The following CYB5R4 variants were observed in gnomAD, a reference collection of about 807,000 sequenced individuals.
CYB5R4 encodes N-terminal cytochrome b5 and cytochrome b5 oxidoreductase domain-containing protein.
In CYB5R4, 55 loss-of-function variants were observed where a neutral mutation model predicts 70.2. The ratio of observed to expected loss-of-function variants is 0.78; its 90% CI spans 0.63 to 0.98. The LOEUF (loss-of-function observed/expected upper bound fraction) is 0.98. Ranked by LOEUF, CYB5R4 falls within the 50% of genes least tolerant of loss-of-function variation. The probability of loss-of-function intolerance (pLI) is 0.00; values close to 1 mark genes in which losing one functional copy is unlikely to be tolerated. For synonymous variants in CYB5R4, 197 were observed against 199.5 expected (o/e 0.99, Z 0.11); for missense variants, 562 against 612.6 (o/e 0.92, Z 0.87).
chr6:83,919,579 T>C, intron 7 of CYB5R4, 125 bp downstream of exon 7: 1 of 450,872 alleles, frequency 2.2e-6, no homozygotes, highest in Non-Finnish European at 3.9e-6. Flanking sequence ...TAGATAGTAT[T>C]GTTATCCCTT....
At chr6:83,940,266 T>G in intron 13 of CYB5R4, 60 bp downstream of exon 13, 4 of 1,453,728 alleles carry the variant, frequency 2.8e-6, no homozygotes, top group Non-Finnish European at 3.7e-6. Context: ...GTATAAGGTA[T>G]TCTAAATTGA....
At position 83,939,539 on chromosome 6, in the gene CYB5R4, TAATC is replaced by T. The variant is rs548363533; in HGVS notation, c.1109-514_1109-511del. On this transcript the variant is annotated intron_variant, in intron 12 of 15. Transcript: ENST00000369681. ...TTTGGTAGAAGAGAAGTTGGTGTGT[TAATC>T]AACATAAGATTTTAGAATGCATTTC... 3.9e-3 allele frequency among the ~76,000 whole-genome samples: 591 copies of T among 152,334 alleles called. 5 individuals are homozygous for T. Among genetic ancestry groups the T allele is most frequent in the African/African-American group, 0.014 (562 of 41,576 alleles).
At chr6:83,921,371 C>T (rs953211519) in intron 8 of CYB5R4, among the ~76,000 whole-genome samples, 196 bp downstream of exon 8, 13 of 152,238 alleles carry the variant, frequency 8.5e-5, no homozygotes, top group East Asian at 3.9e-4. Flanking sequence ...CCTCACCTTT[C>T]GAAGTTTAAG....
At chr6:83,897,426 C>T (rs887368188) in intron 3 of CYB5R4, among the ~76,000 whole-genome samples, 2 of 152,180 alleles carry the variant, frequency 1.3e-5, no homozygotes, top group African/African-American at 4.8e-5. Flanking sequence ...AATGGGATGG[C>T]TGGGTCAAAT....
At chr6:83,932,985 T>C (rs79904854) in intron 10 of CYB5R4, among the ~76,000 whole-genome samples, 1,599 of 152,334 alleles carry the variant, frequency 0.01, 37 homozygotes, top group African/African-American at 0.036. Flanking sequence ...TAGAACATAC[T>C]TTGACAGTTA....
At chr6:83,926,403 A>G (rs966485968) in intron 10 of CYB5R4, 3 of 151,588 alleles carry the variant, frequency 2.0e-5, no homozygotes, top group African/African-American at 7.3e-5. Flanking sequence ...CTAGGACTGC[A>G]GTAACAAACT....
intron 14 of CYB5R4, among the ~76,000 whole-genome samples, chr6:83,954,650 CT>C (rs1299698004): frequency 6.6e-6 from 1 of 151,842 alleles, no homozygotes; most frequent in African/African-American, 2.4e-5. Flanking sequence ...AATATTTGTT[CT>C]TTTTTTTCAA....
chr6:83,898,755 GCTCT>G (rs2099462360), intron 3 of CYB5R4, among the ~76,000 whole-genome samples: 1 of 151,386 alleles, frequency 6.6e-6, no homozygotes. Flanking sequence ...TCATGATTTG[GCTCT>G]CTGTTTGTCT....
intron 1 of CYB5R4, among the ~76,000 whole-genome samples, chr6:83,861,411 G>C (rs1172862506): frequency 6.6e-6 from 1 of 152,230 alleles, no homozygotes; most frequent in Admixed American, 6.5e-5. Flanking sequence ...AAGTTGGGAA[G>C]GTCGTGTATT....
chr6:83,963,357 A>G lies in CYB5R4; in HGVS notation c.*3479A>G, dbSNP rs1370019394. 1.3e-5 allele frequency: 2 copies of G among 152,172 alleles called. No individual in the cohort carries two copies. Among genetic ancestry groups the G allele is most frequent in the Non-Finnish European group, 2.9e-5 (2 of 68,046 alleles). 9.4% of individuals were successfully genotyped at this position (152,172 alleles called of 1,614,324 possible). A position where few individuals can be genotyped will look rare whatever the true frequency, so the allele number is the denominator to read the frequency against. On this transcript the variant is annotated 3_prime_UTR_variant, in exon 16 of 16. Transcript: ENST00000369681. ...TTATGCTGGCAAAGGCATGGGTACA[A>G]CCTGCTCTGTGATCTACCTTCTGAA...
rs537945706 is a variant in CYB5R4 at position 83,965,081 on chromosome 6, G to T, written c.*5203G>T. 6.6e-6 allele frequency: 1 copy of T among 152,262 alleles called. No homozygotes were observed. The highest frequency in any genetic ancestry group is 1.5e-5 in the Non-Finnish European group (1 of 68,082). The allele number at this position is 152,262 out of a possible 1,614,324, so 9.4% of individuals were successfully genotyped here. Reference sequence around the variant, plus strand: ...GGGCGGGGCTCTCATGGAGAACCTCGGCTAGGGCAGTGCAGAAGGGAAATG... The same window carrying T: ...GGGCGGGGCTCTCATGGAGAACCTCTGCTAGGGCAGTGCAGAAGGGAAATG... On this transcript the variant is annotated 3_prime_UTR_variant, in exon 16 of 16. Coordinates refer to ENST00000369681, the MANE Select transcript of CYB5R4 (RefSeq NM_016230.4).
chr6:83,914,970 C>T (rs559761229), intron 5 of CYB5R4, among the ~76,000 whole-genome samples: 9 of 152,072 alleles, frequency 5.9e-5, no homozygotes, highest in African/African-American at 2.2e-4. Flanking sequence ...TCCCTGAATA[C>T]ATGTTATCTT....
chr6:83,866,583 G>T (rs575235282), intron 2 of CYB5R4, among the ~76,000 whole-genome samples: 1 of 151,368 alleles, frequency 6.6e-6, no homozygotes, highest in Non-Finnish European at 1.5e-5. Context: ...ATAGCACCTC[G>T]TCTGGTAAGG....
chr6:83,906,942 T>G (rs2099463866), intron 3 of CYB5R4, among the ~76,000 whole-genome samples: 1 of 152,232 alleles, frequency 6.6e-6, no homozygotes, highest in East Asian at 1.9e-4. Context: ...CTTTTACAAT[T>G]GGACATTTAA....
chr6:83,860,216 C>T (rs758019954), intron 1 of CYB5R4, among the ~76,000 whole-genome samples: 6 of 152,076 alleles, frequency 3.9e-5, no homozygotes, highest in African/African-American at 7.2e-5. Flanking sequence ...TCTCCCTGGT[C>T]TTTTGTTCTT....
intron 3 of CYB5R4, among the ~76,000 whole-genome samples, chr6:83,902,564 G>A (rs1449839059): frequency 6.6e-6 from 1 of 152,076 alleles, no homozygotes; most frequent in Non-Finnish European, 1.5e-5. Context: ...AAAAATAACA[G>A]TGGTATTTTG....
chr6:83,928,305 T>C (rs1165019870), intron 10 of CYB5R4, among the ~76,000 whole-genome samples: 2 of 152,076 alleles, frequency 1.3e-5, no homozygotes, highest in African/African-American at 4.8e-5. Flanking sequence ...AGGTGGAAGA[T>C]AGAAAATAAG....
At position 83,934,593 on chromosome 6, in the gene CYB5R4, A is replaced by C. The variant is rs1375524333; in HGVS notation, c.815-2A>C. 6.3e-7 allele frequency: 1 copy of C among 1,598,780 alleles called. No individual in the cohort carries two copies. The highest frequency in any genetic ancestry group is 2.2e-5 in the East Asian group (1 of 44,730). ...AATAAGAGAAAATGAATCACTTTTT[A>C]GGTTTGTACTACAGAAAGTGCCAGT... is the stretch of plus-strand genomic sequence containing the variant. On this transcript the variant is annotated splice_acceptor_variant, in intron 10 of 15. Coordinates refer to ENST00000369681, the MANE Select transcript of CYB5R4 (RefSeq NM_016230.4). LOFTEE classifies it high-confidence loss of function.
intron 9 of CYB5R4, among the ~76,000 whole-genome samples, chr6:83,924,030 A>G (rs1050372897): frequency 3.6e-5 from 5 of 138,900 alleles, no homozygotes; most frequent in Non-Finnish European, 7.5e-5. Context: ...AGATCACGCC[A>G]CTGCCCTCCA....
Sources: gnomAD v4.1 joint callset for allele counts (sites outside exome capture counted in the v4.1 genomes callset) on GRCh38, gnomAD v4.1.1 for gene constraint, MANE v1.5 for transcripts, NCBI Gene and HGNC (gene_info 2026-07-23, HGNC 2026-07-21) for gene names.